Variants in UTRN observed in about 807,000 individuals in gnomAD.
UTRN encodes dystrophin-related protein 1.
Under a neutral mutation model 463.9 loss-of-function variants are expected in UTRN, and 283 were observed. That is an observed-to-expected ratio of 0.61 (90% confidence interval 0.55 to 0.67). The LOEUF is 0.67. UTRN is among the 30% of genes least tolerant of loss of function. The probability of loss-of-function intolerance (pLI) is 0.00; values close to 1 mark genes in which losing one functional copy is unlikely to be tolerated. For synonymous variants in UTRN, 1,442 were observed against 1,431.5 expected, an observed-to-expected ratio of 1.01 and a Z score of -0.17; for missense variants, 3,922 against 4,084.3, an observed-to-expected ratio of 0.96 and a Z score of 1.08.
chr6:144,476,831 G>C (rs1028732722), intron 25 of UTRN, among the ~76,000 whole-genome samples: 2 of 152,142 alleles, frequency 1.3e-5, no homozygotes. Context: ...GGAGGGTATG[G>C]GAACTGAGGA....
intron 53 of UTRN, among the ~76,000 whole-genome samples, chr6:144,704,336 C>G (rs193220877): frequency 3.9e-4 from 59 of 152,210 alleles, no homozygotes; most frequent in Admixed American, 2.2e-3. Flanking sequence ...TGAATATTAA[C>G]ATATTATTCT....
At chr6:144,732,226 A>ATATACATATATATATATACG (rs1788633060) in intron 54 of UTRN, among the ~76,000 whole-genome samples, 1 of 43,646 alleles carries the variant, frequency 2.3e-5, no homozygotes, top group African/African-American at 1.1e-4. Flanking sequence ...ATATATATAT[A>ATATACATATATATATATACG]TATATATATA....
chr6:144,501,841 G>A (rs1294928780), intron 34 of UTRN, among the ~76,000 whole-genome samples: 1 of 152,078 alleles, frequency 6.6e-6, no homozygotes, highest in Non-Finnish European at 1.5e-5. Flanking sequence ...CAGAAATAGT[G>A]CACCTACCAC....
intron 51 of UTRN, among the ~76,000 whole-genome samples, chr6:144,659,630 GT>G (rs1464185816): frequency 6.6e-6 from 1 of 152,048 alleles, no homozygotes; most frequent in Non-Finnish European, 1.5e-5. Context: ...CTTGTCCTGT[GT>G]TTTGGTGTTT....
At chr6:144,682,105 C>T (rs1460889089) in intron 52 of UTRN, among the ~76,000 whole-genome samples, 1 of 152,020 alleles carries the variant, frequency 6.6e-6, no homozygotes, top group East Asian at 1.9e-4. Context: ...CTGTTTTATA[C>T]CTATTAATCA....
At position 144,516,799 on chromosome 6, in the gene UTRN, T is replaced by G; in HGVS notation, c.5404-12T>G. ...CTTTTGAGTCATTTTTTTTTTCCTTTTAAAAATTTAGATGGATGAGGAGAG... is the reference window on the plus strand; with the variant it reads ...CTTTTGAGTCATTTTTTTTTTCCTTGTAAAAATTTAGATGGATGAGGAGAG... On this transcript the variant is annotated splice_polypyrimidine_tract_variant and intron_variant, in intron 38 of 74. Transcript: ENST00000367545. 6.9e-7 allele frequency: 1 copy of G among 1,441,462 alleles called. No homozygotes were observed. The highest frequency in any genetic ancestry group is 9.1e-7 in the Non-Finnish European group (1 of 1,099,206). The allele number at this position is 1,441,462 out of a possible 1,614,324, so 89.3% of individuals were successfully genotyped here. A position where few individuals can be genotyped will look rare whatever the true frequency, so the allele number is the denominator to read the frequency against.
intron 53 of UTRN, among the ~76,000 whole-genome samples, chr6:144,710,701 A>G (rs1425378772): frequency 6.6e-6 from 1 of 152,192 alleles, no homozygotes; most frequent in Non-Finnish European, 1.5e-5. Context: ...ATCTTTTCCC[A>G]TAATTGTTGG....
At chr6:144,445,719 G>A (rs944278075) in intron 14 of UTRN, among the ~76,000 whole-genome samples, 1 of 152,010 alleles carries the variant, frequency 6.6e-6, no homozygotes, top group Admixed American at 6.6e-5. Context: ...AGGCCAAAAA[G>A]TCTCAGAATA....
At position 144,824,774 on chromosome 6, in the gene UTRN, G is replaced by GGC. The variant is rs1554408294; in HGVS notation, c.9495-2573_9495-2572insCG. Among the ~76,000 whole-genome samples, 88 of 77,334 alleles carry GGC rather than the reference G, an allele frequency of 1.1e-3. 3 individuals are homozygous for GGC. Among genetic ancestry groups the GGC allele is most frequent in the African/African-American group, 4.0e-3 (82 of 20,300 alleles). The allele number at this position is 77,334 out of a possible 152,430, so 50.7% of individuals were successfully genotyped here. A position where few individuals can be genotyped will look rare whatever the true frequency, so the allele number is the denominator to read the frequency against. ...CTAGGCAGTATGTGAAGTTGGTGGTGGGGGGGGGTGTCCCCCCAGCGTTAA... is the reference window on the plus strand; with the variant it reads ...CTAGGCAGTATGTGAAGTTGGTGGTGGCGGGGGGGGTGTCCCCCCAGCGTTAA... On this transcript the variant is annotated intron_variant, in intron 66 of 74. Transcript: ENST00000367545.
At position 144,302,385 on chromosome 6, in the gene UTRN, C is replaced by G. The variant is rs142573369; in HGVS notation, c.79+10478C>G. On this transcript the variant is annotated intron_variant, in intron 2 of 74. Coordinates refer to ENST00000367545, the MANE Select transcript of UTRN (RefSeq NM_007124.3). ...AATCAGCCAGGCGTGGTGGCACTCA[C>G]CTGTAATCCCAGCTACTTGGGAGGC... Among the ~76,000 whole-genome samples, 217 of 152,228 alleles carry G rather than the reference C, an allele frequency of 1.4e-3. 1 individual carries two copies. Among genetic ancestry groups the G allele is most frequent in the African/African-American group, 5.1e-3 (213 of 41,504 alleles).
intron 2 of UTRN, among the ~76,000 whole-genome samples, chr6:144,349,053 A>G (rs535399414): frequency 6.6e-6 from 1 of 151,908 alleles, no homozygotes; most frequent in Admixed American, 6.6e-5. Flanking sequence ...TCTGTCGCCC[A>G]GGCTGGAGCG....
chr6:144,541,231 C>T (rs1797952129), intron 45 of UTRN, among the ~76,000 whole-genome samples: 1 of 152,166 alleles, frequency 6.6e-6, no homozygotes, highest in African/African-American at 2.4e-5. Context: ...CTTCTCATGG[C>T]CTGGCGTCCT....
At chr6:144,438,517 T>A (rs1297282739) in intron 11 of UTRN, among the ~76,000 whole-genome samples, 1 of 152,248 alleles carries the variant, frequency 6.6e-6, no homozygotes, top group Non-Finnish European at 1.5e-5. Flanking sequence ...GATTCTGATA[T>A]GAATACAGGG....
intron 54 of UTRN, among the ~76,000 whole-genome samples, chr6:144,734,781 A>G (rs1394822884): frequency 6.6e-6 from 1 of 152,170 alleles, no homozygotes; most frequent in Non-Finnish European, 1.5e-5. Context: ...GATTTCCAAC[A>G]CAATAGCTGT....
intron 2 of UTRN, among the ~76,000 whole-genome samples, chr6:144,334,072 A>T (rs1562260343): frequency 6.6e-6 from 1 of 152,002 alleles, no homozygotes; most frequent in Non-Finnish European, 1.5e-5. Flanking sequence ...ATGCCCTTTT[A>T]TTTTTTTCCC....
At chr6:144,826,086 A>G (rs1308458204) in intron 66 of UTRN, among the ~76,000 whole-genome samples, 1 of 151,766 alleles carries the variant, frequency 6.6e-6, no homozygotes, top group African/African-American at 2.4e-5. Flanking sequence ...AACATGGCAC[A>G]TGTATACATA....
chr6:144,673,540 G>A (rs1781270406), intron 51 of UTRN, among the ~76,000 whole-genome samples: 1 of 151,962 alleles, frequency 6.6e-6, no homozygotes, highest in Non-Finnish European at 1.5e-5. Context: ...GTCCTTATGT[G>A]TTAGGTGAGT....
rs150634786 is a variant in UTRN, at chr6:144,449,241, C to T, written c.2072+472C>T. Among the ~76,000 whole-genome samples, 79 of 152,258 alleles carry T rather than the reference C, an allele frequency of 5.2e-4. No homozygotes were observed. In the East Asian group the frequency reaches 0.012, roughly 24 times the overall value. On this transcript the variant is annotated intron_variant, in intron 17 of 74. Coordinates refer to ENST00000367545, the MANE Select transcript of UTRN (RefSeq NM_007124.3). Reference sequence around the variant, plus strand: ...TATATCTTCTGTCTGCTCTAGAAACCACTATTGGTTTGCCTTAAAATGGAC... The same window carrying T: ...TATATCTTCTGTCTGCTCTAGAAACTACTATTGGTTTGCCTTAAAATGGAC...
intron 3 of UTRN, among the ~76,000 whole-genome samples, chr6:144,418,841 C>T (rs552178574): frequency 7.9e-5 from 12 of 152,024 alleles, no homozygotes; most frequent in Non-Finnish European, 1.2e-4. Flanking sequence ...CATGAGCCAC[C>T]GTGCCCAGCC....
Sources: gnomAD v4.1 joint callset for allele counts (sites outside exome capture counted in the v4.1 genomes callset) on GRCh38, gnomAD v4.1.1 for gene constraint, MANE v1.5 for transcripts, NCBI Gene and HGNC (gene_info 2026-07-23, HGNC 2026-07-21) for gene names.